Variants in VAV3 observed in about 807,000 individuals in gnomAD.
The protein encoded by VAV3 is guanine nucleotide exchange factor VAV3.
In VAV3, 94 loss-of-function variants were observed where a neutral mutation model predicts 131.2. The observed-to-expected ratio is 0.72, with a 90% confidence interval of 0.61 to 0.85. VAV3 has a LOEUF of 0.85. Among genes scored for constraint, VAV3 ranks in the 40% least tolerant of loss-of-function variants. The pLI is 0.00. For missense variants in VAV3, 939 were observed against 1,002.7 expected, an observed-to-expected ratio of 0.94 and a Z score of 0.86; for synonymous variants, 349 against 342.0, an observed-to-expected ratio of 1.02 and a Z score of -0.22.
At position 107,821,842 on chromosome 1, in the gene VAV3, T is replaced by A. The variant is rs185890407; in HGVS notation, c.322-42350A>T. 2.7e-3 allele frequency among the ~76,000 whole-genome samples: 417 copies of A among 152,294 alleles called. 1 individual carries two copies. Among genetic ancestry groups the A allele is most frequent in the South Asian group, 1.0e-2 (48 of 4,824 alleles). The stretch of plus-strand genomic sequence containing the variant: ...CTCACTCTCCGCTTGCAGAGTCCAA[T>A]TAACAAGAGCAAGGTCTCGTATAAA... On this transcript the variant is annotated intron_variant, in intron 2 of 26. Transcript: ENST00000370056.
chr1:107,780,331 C>A (rs980945924), intron 2 of VAV3, among the ~76,000 whole-genome samples: 5 of 152,078 alleles, frequency 3.3e-5, no homozygotes, highest in Non-Finnish European at 7.4e-5. Context: ...AAAAAGTTTT[C>A]TAAATTAACC....
At chr1:107,695,094 A>ATG (rs1306050064) in intron 17 of VAV3, among the ~76,000 whole-genome samples, 1 of 152,200 alleles carries the variant, frequency 6.6e-6, no homozygotes, top group Non-Finnish European at 1.5e-5. Context: ...ATGTAGATAC[A>ATG]CAGACATAAA....
At chr1:107,728,925 A>G (rs1369272546) in intron 15 of VAV3, among the ~76,000 whole-genome samples, 1 of 152,218 alleles carries the variant, frequency 6.6e-6, no homozygotes, top group Non-Finnish European at 1.5e-5. Context: ...CTCCGACAGT[A>G]TGCAGAAAAT....
chr1:107,851,396 G>GAAA (rs74262709), intron 2 of VAV3, among the ~76,000 whole-genome samples: 3 of 74,968 alleles, frequency 4.0e-5, no homozygotes, highest in Admixed American at 1.2e-4. Context: ...AAAACACTCA[G>GAAA]AAAAAAAAAA....
rs1013580804 is a variant in VAV3, at chr1:107,868,504, T to A, written c.321+6397A>T. Among the ~76,000 whole-genome samples the A allele has an allele frequency of 2.0e-5, 3 of 152,222 alleles. No homozygotes were observed. In the South Asian group the frequency reaches 6.2e-4, roughly 32 times the overall value. ...AGATAGACAGGTAGTAGTAAACCAT[T>A]GCAGGCTCTCAAGTAGGTTGTCGGG... On this transcript the variant is annotated intron_variant, in intron 2 of 26. Transcript: ENST00000370056.
intron 21 of VAV3, among the ~76,000 whole-genome samples, chr1:107,611,423 T>C (rs1449573909): frequency 1.3e-5 from 2 of 152,158 alleles, no homozygotes; most frequent in African/African-American, 4.8e-5. Context: ...AATAGTTTCT[T>C]ACATAACTTT....
intron 19 of VAV3, among the ~76,000 whole-genome samples, chr1:107,643,406 T>C (rs934356909): frequency 1.3e-5 from 2 of 152,208 alleles, no homozygotes; most frequent in Admixed American, 6.5e-5. Flanking sequence ...TTTCTTTGAA[T>C]GTGCAATGAA....
intron 1 of VAV3, 67 bp from the exon 2 acceptor site, chr1:107,875,084 A>G (rs1670432926): frequency 7.8e-6 from 10 of 1,286,330 alleles, no homozygotes; most frequent in Non-Finnish European, 1.1e-6. Flanking sequence ...CCTCTGTAAC[A>G]CTCAAGACTG....
chr1:107,818,698 AAAT>A (rs1461319673), intron 2 of VAV3, among the ~76,000 whole-genome samples: 1 of 152,204 alleles, frequency 6.6e-6, no homozygotes, highest in Non-Finnish European at 1.5e-5. Context: ...CAAATGGTAT[AAAT>A]AATGTTTAAG....
intron 2 of VAV3, among the ~76,000 whole-genome samples, chr1:107,843,851 G>A (rs553910290): frequency 1.3e-5 from 2 of 152,184 alleles, no homozygotes; most frequent in African/African-American, 4.8e-5. Flanking sequence ...GCTTTCCACT[G>A]TGGGGGTTCA....
At chr1:107,944,750 G>A (rs962551690) in intron 1 of VAV3, among the ~76,000 whole-genome samples, 11 of 152,090 alleles carry the variant, frequency 7.2e-5, no homozygotes, top group African/African-American at 2.4e-4. Context: ...GACTATTGGC[G>A]TCCACTACCA....
At chr1:107,900,058 T>C (rs1671781195) in intron 1 of VAV3, among the ~76,000 whole-genome samples, 1 of 152,162 alleles carries the variant, frequency 6.6e-6, no homozygotes, top group Non-Finnish European at 1.5e-5. Flanking sequence ...AAATTATCTC[T>C]TCTTCTTCAC....
Position 107,703,941 on chromosome 1 carries a change from T to C in VAV3, c.1705+609A>G, listed in dbSNP as rs1570785558. Among the ~76,000 whole-genome samples, 5 of 152,312 alleles carry C rather than the reference T, an allele frequency of 3.3e-5. No individual in the cohort carries two copies. In the Middle Eastern group the frequency reaches 0.01, roughly 311 times the overall value. ...CAGAAAGAGGCAATAGGCTACTGAA[T>C]GCATAACTGCCAGCCATCTTAGAAA... is the stretch of plus-strand genomic sequence containing the variant. On this transcript the variant is annotated intron_variant, in intron 17 of 26. Transcript: ENST00000370056.
chr1:107,800,159 C>G (rs987101612), intron 2 of VAV3, among the ~76,000 whole-genome samples: 1 of 152,090 alleles, frequency 6.6e-6, no homozygotes, highest in Admixed American at 6.6e-5. Context: ...CATGGGAGTG[C>G]AGATAGATAC....
chr1:107,669,278 G>A lies in VAV3; in HGVS notation c.1777+14210C>T. 3 of 1,281,466 alleles carry A rather than the reference G, an allele frequency of 2.3e-6. No individual in the cohort carries two copies. The South Asian group carries it at 3.8e-5, about 16-fold the overall frequency. The allele number at this position is 1,281,466 out of a possible 1,614,324, so 79.4% of individuals were successfully genotyped here. ...TAGGATCTCTTCTTTATCCTTCGCTGTGTAAGTGGGGACAAAAAGAGCTAC... is the reference window on the plus strand; with the variant it reads ...TAGGATCTCTTCTTTATCCTTCGCTATGTAAGTGGGGACAAAAAGAGCTAC... On this transcript the variant is annotated intron_variant, in intron 19 of 26. Transcript: ENST00000370056.
chr1:107,848,010 C>T (rs1669046448), intron 2 of VAV3, among the ~76,000 whole-genome samples: 1 of 152,048 alleles, frequency 6.6e-6, no homozygotes, highest in African/African-American at 2.4e-5. Context: ...TGCAAAAATC[C>T]TCAATAAAAT....
chr1:107,582,906 A>G (rs1324104590), intron 25 of VAV3, among the ~76,000 whole-genome samples: 1 of 152,108 alleles, frequency 6.6e-6, no homozygotes, highest in Non-Finnish European at 1.5e-5. Flanking sequence ...AGCATGATTT[A>G]TAGTCCTTTG....
chr1:107,761,172 A>G (rs1246184880), intron 9 of VAV3, among the ~76,000 whole-genome samples: 3 of 152,020 alleles, frequency 2.0e-5, no homozygotes, highest in Non-Finnish European at 4.4e-5. Context: ...GGCAGATCAC[A>G]AGGTCAGGAG....
intron 2 of VAV3, among the ~76,000 whole-genome samples, chr1:107,793,529 A>G (rs1391819833): frequency 6.6e-6 from 1 of 152,160 alleles, no homozygotes; most frequent in Non-Finnish European, 1.5e-5. Context: ...CACATGGCAC[A>G]CAGATGCTCA....
Sources: allele counts gnomAD v4.1 joint callset (sites outside exome capture counted in the v4.1 genomes callset), GRCh38; gene constraint gnomAD v4.1.1; transcripts MANE v1.5; gene names NCBI Gene and HGNC (gene_info 2026-07-23, HGNC 2026-07-21).